Variants in RBFOX1 observed in about 807,000 individuals in gnomAD.
RBFOX1 encodes RNA binding fox-1 homolog 1.
RBFOX1 carries 8 observed loss-of-function variants against 57.7 expected under a neutral mutation model. That is an observed-to-expected ratio of 0.14 (90% CI 0.08 to 0.25). The LOEUF (loss-of-function observed/expected upper bound fraction) is 0.25, where lower values mean the gene tolerates loss of function less well. RBFOX1 is among the 10% of genes least tolerant of loss of function. The probability of loss-of-function intolerance (pLI) is 1.00; values close to 1 mark genes in which losing one functional copy is unlikely to be tolerated. For missense variants in RBFOX1, 611 were observed against 548.5 expected, an observed-to-expected ratio of 1.11 and a Z score of -1.14; for synonymous variants, 326 against 222.4, an observed-to-expected ratio of 1.47 and a Z score of -4.15.
chr16:6,662,404 TG>T (rs1460595718), intron 3 of RBFOX1, among the ~76,000 whole-genome samples: 4 of 152,150 alleles, frequency 2.6e-5, no homozygotes, highest in African/African-American at 9.7e-5. Flanking sequence ...ATGCAATTTT[TG>T]TTTTTCAGTT....
At chr16:5,902,058 C>T (rs1215862638) in intron 4 of RBFOX1, among the ~76,000 whole-genome samples, 1 of 152,172 alleles carries the variant, frequency 6.6e-6, no homozygotes, top group East Asian at 1.9e-4. Flanking sequence ...GGGTTCAATG[C>T]ATGTTTCTTG....
At chr16:7,549,349 G>A (rs998375083) in intron 5 of RBFOX1, among the ~76,000 whole-genome samples, 6 of 152,228 alleles carry the variant, frequency 3.9e-5, no homozygotes, top group African/African-American at 1.4e-4. Flanking sequence ...CAAACCAGGT[G>A]AGGAGTTTAG....
chr16:7,528,490 T>C (rs1198943688), intron 5 of RBFOX1, among the ~76,000 whole-genome samples: 1 of 152,114 alleles, frequency 6.6e-6, no homozygotes, highest in African/African-American at 2.4e-5. Flanking sequence ...TTTATTTATT[T>C]ATGTGAGAGA....
chr16:6,331,337 C>T (rs937921726), intron 2 of RBFOX1, among the ~76,000 whole-genome samples: 1 of 152,032 alleles, frequency 6.6e-6, no homozygotes, highest in Admixed American at 6.6e-5. Context: ...GTCCCAGCTA[C>T]TGGGGAGGCT....
chr16:6,379,080 C>T (rs2091515018), intron 2 of RBFOX1, among the ~76,000 whole-genome samples: 3 of 152,006 alleles, frequency 2.0e-5, no homozygotes, highest in Admixed American at 6.6e-5. Flanking sequence ...GAGGAGGATG[C>T]CCAGCTTTCT....
At chr16:5,931,764 A>G (rs1010935072) in intron 4 of RBFOX1, among the ~76,000 whole-genome samples, 3 of 152,068 alleles carry the variant, frequency 2.0e-5, no homozygotes, top group Non-Finnish European at 4.4e-5. Context: ...TCATGCATAT[A>G]CCCTGAATAT....
chr16:6,337,243 G>A (rs1425830599), intron 2 of RBFOX1, among the ~76,000 whole-genome samples: 1 of 152,156 alleles, frequency 6.6e-6, no homozygotes, highest in African/African-American at 2.4e-5. Context: ...AGGGCCCTAT[G>A]AGGTTCAATG....
intron 2 of RBFOX1, among the ~76,000 whole-genome samples, chr16:6,346,899 C>T (rs1230378051): frequency 1.3e-5 from 2 of 152,060 alleles, no homozygotes; most frequent in Non-Finnish European, 2.9e-5. Context: ...ACTACCTCAA[C>T]AGAGTCTTGG....
chr16:7,082,688 T>C (rs549302630), intron 4 of RBFOX1, among the ~76,000 whole-genome samples: 3 of 152,360 alleles, frequency 2.0e-5, no homozygotes, highest in Admixed American at 6.5e-5. Flanking sequence ...TTGCAGACTT[T>C]CTTTCATAAA....
intron 4 of RBFOX1, among the ~76,000 whole-genome samples, chr16:7,263,052 C>T (rs865781717): frequency 3.9e-5 from 6 of 152,166 alleles, no homozygotes; most frequent in Admixed American, 1.3e-4. Flanking sequence ...CTGTTCTCTC[C>T]TCTAGTCTCT....
In RBFOX1 at chr16:7,143,343, T is replaced by A. The variant is rs116365742; in HGVS notation, c.27+91245T>A. Among the ~76,000 whole-genome samples, 1,082 of 152,154 alleles carry A rather than the reference T, an allele frequency of 7.1e-3. 15 individuals carry two copies. The highest frequency in any genetic ancestry group is 0.025 in the African/African-American group (1,027 of 41,526). ...CCGACCCAGCTCTCAGGGAGAGGAC[T>A]GAGCCACTGTAGAAAAGTGGGAACA... On this transcript the variant is annotated intron_variant, in intron 4 of 15. Coordinates refer to ENST00000550418, the MANE Select transcript of RBFOX1 (RefSeq NM_018723.4).
chr16:7,143,119 T>G (rs1567434649), intron 4 of RBFOX1, among the ~76,000 whole-genome samples: 1 of 152,176 alleles, frequency 6.6e-6, no homozygotes, highest in Non-Finnish European at 1.5e-5. Context: ...GTTTTCCATT[T>G]ATTTTTATGT....
rs2084007503 is a variant in RBFOX1, at chr16:7,711,596, T to A, written c.*851T>A. The A allele has an allele frequency of 6.6e-6, 1 of 152,636 alleles. No homozygotes were observed. Among genetic ancestry groups the A allele is most frequent in the African/African-American group, 2.4e-5 (1 of 41,456 alleles). The allele number at this position is 152,636 out of a possible 1,614,324, so 9.5% of individuals were successfully genotyped here. A position where few individuals can be genotyped will look rare whatever the true frequency, so the allele number is the denominator to read the frequency against. ...AAAGGTGATAAAAAAGCACTGTTTC[T>A]ATTTTTTTCTTTTTTTCCAAAAAAA... On this transcript the variant is annotated 3_prime_UTR_variant, in exon 16 of 16. Coordinates refer to ENST00000550418, the MANE Select transcript of RBFOX1 (RefSeq NM_018723.4).
chr16:7,028,870 T>A (rs74493160), intron 3 of RBFOX1, among the ~76,000 whole-genome samples: 7,998 of 150,332 alleles, frequency 0.053, 385 homozygotes, highest in East Asian at 0.2. Flanking sequence ...TGGATCTGAG[T>A]GGGAATCCAA....
At chr16:6,227,083 C>T (rs1206233149) in intron 1 of RBFOX1, among the ~76,000 whole-genome samples, 1 of 151,866 alleles carries the variant, frequency 6.6e-6, no homozygotes, top group Non-Finnish European at 1.5e-5. Context: ...GAGATTGTGC[C>T]ACTGAACTCC....
intron 4 of RBFOX1, among the ~76,000 whole-genome samples, chr16:7,439,525 G>A (rs1452780225): frequency 6.6e-6 from 1 of 152,166 alleles, no homozygotes; most frequent in East Asian, 1.9e-4. Context: ...GGCCTTGTAA[G>A]TCGATAGGAG....
intron 4 of RBFOX1, among the ~76,000 whole-genome samples, chr16:7,278,824 A>G (rs377499754): frequency 6.6e-5 from 10 of 152,240 alleles, no homozygotes; most frequent in African/African-American, 1.7e-4. Context: ...AAAGCTGCCA[A>G]TGAATTATGG....
At chr16:7,370,267 T>C (rs1024918299) in intron 4 of RBFOX1, among the ~76,000 whole-genome samples, 5 of 152,136 alleles carry the variant, frequency 3.3e-5, no homozygotes, top group African/African-American at 7.2e-5. Context: ...CTCTAAGTTA[T>C]TTTCTTGGTA....
intron 3 of RBFOX1, among the ~76,000 whole-genome samples, chr16:5,641,711 T>C (rs2048881749): frequency 6.6e-6 from 1 of 152,088 alleles, no homozygotes; most frequent in Non-Finnish European, 1.5e-5. Flanking sequence ...CATGTTGACT[T>C]TGTCTTAGGA....
Sources: gnomAD v4.1 joint callset for allele counts (sites outside exome capture counted in the v4.1 genomes callset) on GRCh38, gnomAD v4.1.1 for gene constraint, MANE v1.5 for transcripts, NCBI Gene and HGNC (gene_info 2026-07-23, HGNC 2026-07-21) for gene names.